The following FOXP1 variants were observed in gnomAD, a reference collection of about 807,000 sequenced individuals.
FOXP1 encodes forkhead box P1.
Under a neutral mutation model 98.2 loss-of-function variants are expected in FOXP1, and 15 were observed. The observed-to-expected ratio is 0.15, with a 90% CI of 0.10 to 0.24. The LOEUF (loss-of-function observed/expected upper bound fraction) is 0.24, where lower values mean the gene tolerates loss of function less well. FOXP1 is among the 10% of genes least tolerant of loss of function. The pLI, the probability that FOXP1 is intolerant of heterozygous loss-of-function variation, is 1.00. For synonymous variants in FOXP1, 371 were observed against 314.5 expected, an observed-to-expected ratio of 1.18 and a Z score of -1.90; for missense variants, 633 against 848.5, an observed-to-expected ratio of 0.75 and a Z score of 3.15.
intron 7 of FOXP1, among the ~76,000 whole-genome samples, chr3:71,058,605 G>GA (rs747147944): frequency 0.012 from 1,292 of 103,944 alleles, 9 homozygotes; most frequent in African/African-American, 0.03. Flanking sequence ...AGAGAGAGGA[G>GA]AAAAAAAAAA....
chr3:71,344,492 G>A (rs1346254392), intron 4 of FOXP1, among the ~76,000 whole-genome samples: 1 of 152,032 alleles, frequency 6.6e-6, no homozygotes, highest in Non-Finnish European at 1.5e-5. Context: ...AGACATCTTT[G>A]GTCCATTTTA....
chr3:70,957,154 A>AT lies in FOXP1; in HGVS notation c.*2092dup, dbSNP rs573886345. ...ACTCTAATTGCAGTGGCATACATTC[A>AT]TTTTTTTTTTGAGATGGGACTCCCT... On this transcript the variant is annotated 3_prime_UTR_variant, in exon 21 of 21. Transcript: ENST00000649528. 5.6e-3 allele frequency: 1,167 copies of AT among 209,872 alleles called. No homozygotes were observed. The highest frequency in any genetic ancestry group is 0.015 in the Middle Eastern group (10 of 652). The allele number at this position is 209,872 out of a possible 1,614,324, so 13.0% of individuals were successfully genotyped here. A position where few individuals can be genotyped will look rare whatever the true frequency, so the allele number is the denominator to read the frequency against.
chr3:71,312,789 C>G (rs959978855), intron 4 of FOXP1, among the ~76,000 whole-genome samples: 6 of 151,918 alleles, frequency 3.9e-5, no homozygotes, highest in African/African-American at 1.4e-4. Context: ...AGTTCGAGGC[C>G]AGCCTGGCCA....
At chr3:71,374,525 A>G (rs540365433) in intron 3 of FOXP1, among the ~76,000 whole-genome samples, 1 of 152,180 alleles carries the variant, frequency 6.6e-6, no homozygotes, top group East Asian at 1.9e-4. Context: ...CCTGGGAGAA[A>G]GAGGTTGTAG....
intron 3 of FOXP1, among the ~76,000 whole-genome samples, chr3:71,402,457 T>C (rs1235251475): frequency 6.6e-6 from 1 of 152,158 alleles, no homozygotes; most frequent in Non-Finnish European, 1.5e-5. Flanking sequence ...CCTGTCTCAA[T>C]CAATCAAATC....
intron 11 of FOXP1, among the ~76,000 whole-genome samples, chr3:71,040,568 C>T (rs1054695687): frequency 1.3e-5 from 2 of 152,174 alleles, no homozygotes. Context: ...CTTAGAACTG[C>T]ATGCTAACAT....
chr3:71,138,930 T>C (rs2059939975), intron 6 of FOXP1, among the ~76,000 whole-genome samples: 1 of 152,198 alleles, frequency 6.6e-6, no homozygotes, highest in Non-Finnish European at 1.5e-5. Context: ...AAGATATTTA[T>C]TACCTATAAT....
At position 70,957,036 on chromosome 3, in the gene FOXP1, A is replaced by C; in HGVS notation, c.*2211T>G. On this transcript the variant is annotated 3_prime_UTR_variant, in exon 21 of 21. Transcript: ENST00000649528. Reference sequence around the variant, plus strand: ...TTAAACAAAAGTGGCATACAATCTAAAAATATCTCTTTTTCTAGAAATACT... The same window carrying C: ...TTAAACAAAAGTGGCATACAATCTACAAATATCTCTTTTTCTAGAAATACT... 4.5e-6 allele frequency: 1 copy of C among 222,732 alleles called. No individual in the cohort carries two copies. The highest frequency in any genetic ancestry group is 6.6e-5 in the East Asian group (1 of 15,128). 13.8% of individuals were successfully genotyped at this position (222,732 alleles called of 1,614,324 possible). A position where few individuals can be genotyped will look rare whatever the true frequency, so the allele number is the denominator to read the frequency against.
At chr3:71,139,793 G>A (rs1478845514) in intron 6 of FOXP1, among the ~76,000 whole-genome samples, 3 of 152,146 alleles carry the variant, frequency 2.0e-5, no homozygotes, top group African/African-American at 7.2e-5. Flanking sequence ...AGACTCTTTC[G>A]CTATTATGTG....
intron 2 of FOXP1, among the ~76,000 whole-genome samples, chr3:71,546,115 T>C (rs2107642262): frequency 6.6e-6 from 1 of 152,268 alleles, no homozygotes; most frequent in South Asian, 2.1e-4. Flanking sequence ...CATTAATCCA[T>C]ACAACACCTT....
rs1447766351 is a variant in FOXP1, at chr3:70,956,710, C to G, written c.*2537G>C. On this transcript the variant is annotated 3_prime_UTR_variant, in exon 21 of 21. Coordinates refer to ENST00000649528, the MANE Select transcript of FOXP1 (RefSeq NM_001349338.3). ...TGACCCTGTCTGGCTACTGCCTGCA[C>G]ATCATGAAGCTGCCTGGAAAAGTTT... 1 of 144,840 alleles carries G rather than the reference C, an allele frequency of 6.9e-6. No individual in the cohort carries two copies. 9.0% of individuals were successfully genotyped at this position (144,840 alleles called of 1,614,324 possible).
chr3:71,015,484 C>T, intron 12 of FOXP1, 65 bp downstream of exon 12: 3 of 1,138,552 alleles, frequency 2.6e-6, no homozygotes, highest in Non-Finnish European at 4.0e-6. Flanking sequence ...ATTTTATGAG[C>T]AAAGCATGAA....
At position 71,150,427 on chromosome 3, in the gene FOXP1, C is replaced by T. The variant is rs2060511202; in HGVS notation, c.181-37790G>A. ...CTATTACATTTTTGTGTCTATCCGCCACTTCTCTTTTTACCATGATACTTG... is the reference window on the plus strand; with the variant it reads ...CTATTACATTTTTGTGTCTATCCGCTACTTCTCTTTTTACCATGATACTTG... On this transcript the variant is annotated intron_variant, in intron 6 of 20. Coordinates refer to ENST00000649528, the MANE Select transcript of FOXP1 (RefSeq NM_001349338.3). 2.0e-5 allele frequency among the ~76,000 whole-genome samples: 3 copies of T among 151,998 alleles called. No homozygotes were observed. The South Asian group carries it at 6.2e-4, about 32-fold the overall frequency.
chr3:71,214,838 C>T (rs759220664), intron 5 of FOXP1, among the ~76,000 whole-genome samples: 16 of 152,176 alleles, frequency 1.1e-4, no homozygotes, highest in Non-Finnish European at 1.6e-4. Context: ...CCCTGTGGCA[C>T]CTTCCAGAGG....
chr3:71,078,086 C>T (rs569020891), intron 7 of FOXP1, among the ~76,000 whole-genome samples: 11 of 152,330 alleles, frequency 7.2e-5, no homozygotes, highest in South Asian at 4.1e-4. Flanking sequence ...CCTCCCTTGG[C>T]CTCCCAAAGT....
chr3:71,029,728 T>C (rs532205966), intron 11 of FOXP1, among the ~76,000 whole-genome samples: 1 of 152,278 alleles, frequency 6.6e-6, no homozygotes, highest in South Asian at 2.1e-4. Context: ...ACGTTTTGCA[T>C]ATACTTCTAT....
chr3:71,572,332 A>G (rs1163714918), intron 2 of FOXP1: 1 of 152,242 alleles, frequency 6.6e-6, no homozygotes, highest in Admixed American at 6.5e-5. Context: ...ATGAAGTTCC[A>G]GTCAGGACTG....
chr3:71,084,619 C>CATG (rs1326352179), intron 7 of FOXP1, among the ~76,000 whole-genome samples: 1 of 152,210 alleles, frequency 6.6e-6, no homozygotes, highest in East Asian at 1.9e-4. Flanking sequence ...ACTGAAATCA[C>CATG]TTACTGAGAC....
intron 7 of FOXP1, among the ~76,000 whole-genome samples, chr3:71,086,409 C>T (rs1162043789): frequency 6.6e-6 from 1 of 152,198 alleles, no homozygotes; most frequent in Non-Finnish European, 1.5e-5. Context: ...TTCTCTCGTT[C>T]TTGCTTATGT....
Sources: gnomAD v4.1 joint callset for allele counts (sites outside exome capture counted in the v4.1 genomes callset) on GRCh38, gnomAD v4.1.1 for gene constraint, MANE v1.5 for transcripts, NCBI Gene and HGNC (gene_info 2026-07-23, HGNC 2026-07-21) for gene names.